Variants in PIGZ observed in about 807,000 individuals in gnomAD.
PIGZ encodes the protein GPI alpha-1,2-mannosyltransferase 4.
PIGZ carries 16 observed loss-of-function variants against 16.4 expected under a neutral mutation model. The ratio of observed to expected loss-of-function variants is 0.97; its 90% CI spans 0.66 to 1.48. PIGZ has a LOEUF of 1.48. Ranked by LOEUF, PIGZ falls within the 40% of genes most tolerant of loss-of-function variation. The probability of loss-of-function intolerance (pLI) is 0.00; values close to 1 mark genes in which losing one functional copy is unlikely to be tolerated. For synonymous variants in PIGZ, 409 were observed against 338.4 expected (o/e 1.21, Z -2.29); for missense variants, 770 against 739.2 (o/e 1.04, Z -0.48).
At chr3:196,959,383 A>G (rs1031236403) in intron 1 of PIGZ, among the ~76,000 whole-genome samples, 4 of 152,214 alleles carry the variant, frequency 2.6e-5, no homozygotes, top group Non-Finnish European at 5.9e-5. Context: ...GAAGGGGATC[A>G]TACAATGTTT....
At chr3:196,958,191 G>A (rs147602555) in intron 1 of PIGZ, among the ~76,000 whole-genome samples, 1 of 151,684 alleles carries the variant, frequency 6.6e-6, no homozygotes, top group East Asian at 1.9e-4. Context: ...ATAATTCAAG[G>A]ACAACTTTCC....
At chr3:196,956,339 ACG>A (rs1260102112) in intron 1 of PIGZ, among the ~76,000 whole-genome samples, 1 of 152,222 alleles carries the variant, frequency 6.6e-6, no homozygotes, top group East Asian at 1.9e-4. Flanking sequence ...AGGCAAAGGC[ACG>A]TCTTACATGG....
intron 1 of PIGZ, among the ~76,000 whole-genome samples, chr3:196,967,398 C>T (rs933873925): frequency 4.6e-5 from 7 of 152,164 alleles, no homozygotes; most frequent in African/African-American, 1.4e-4. Flanking sequence ...AACTTCCTGG[C>T]AAAGCTGCTG....
intron 2 of PIGZ, 98 bp from the exon 3 acceptor site, chr3:196,948,783 T>C: frequency 2.3e-6 from 2 of 877,676 alleles, no homozygotes; most frequent in Non-Finnish European, 3.3e-6. Flanking sequence ...TTGGTGTGTG[T>C]GCCCTGCGTA....
chr3:196,955,178 G>C (rs1282999640), intron 1 of PIGZ, among the ~76,000 whole-genome samples: 2 of 152,112 alleles, frequency 1.3e-5, no homozygotes, highest in African/African-American at 2.4e-5. Flanking sequence ...CTCCCACCTT[G>C]GCCTCCCAAA....
rs1298697675 is a variant in PIGZ, at chr3:196,949,038, CCTT to C, written c.212-356_212-354del. Among the ~76,000 whole-genome samples the C allele has an allele frequency of 6.6e-4, 14 of 21,104 alleles. 1 individual carries two copies. Among genetic ancestry groups the C allele is most frequent in the African/African-American group, 6.5e-3 (13 of 2,008 alleles). 13.8% of individuals were successfully genotyped at this position (21,104 alleles called of 152,430 possible). A position where few individuals can be genotyped will look rare whatever the true frequency, so the allele number is the denominator to read the frequency against. On this transcript the variant is annotated intron_variant, in intron 2 of 2. Transcript: ENST00000412723. ...TCCCCTCCCTTCCCTTCCTTCCCTT[CCTT>C]CCTTCCCTTCCCTTCCTTCCCCTTC...
Position 196,947,106 on chromosome 3 carries a change from G to A in PIGZ, c.*51C>T, listed in dbSNP as rs555545881. ...GCCCAGCTACCCAAGTAGAAGGTGG[G>A]GCGGCATCTTCTATGGCTGAGTCTT... On this transcript the variant is annotated 3_prime_UTR_variant, in exon 3 of 3. Transcript: ENST00000412723. 1.4e-6 allele frequency: 2 copies of A among 1,472,856 alleles called. No individual in the cohort carries two copies. The highest frequency in any genetic ancestry group is 2.8e-5 in the African/African-American group (2 of 71,030). 91.2% of individuals were successfully genotyped at this position (1,472,856 alleles called of 1,614,324 possible). A position where few individuals can be genotyped will look rare whatever the true frequency, so the allele number is the denominator to read the frequency against.
intron 2 of PIGZ, among the ~76,000 whole-genome samples, chr3:196,951,103 C>A (rs756085219): frequency 1.3e-5 from 2 of 152,200 alleles, no homozygotes; most frequent in Admixed American, 6.5e-5. Context: ...TTTTAGCTTC[C>A]TTTGCAGCTA....
In PIGZ at chr3:196,949,041, T is replaced by C. The variant is rs1193192176; in HGVS notation, c.212-356A>G. On this transcript the variant is annotated intron_variant, in intron 2 of 2. Transcript: ENST00000412723. The stretch of plus-strand genomic sequence containing the variant: ...CCTCCCTTCCCTTCCTTCCCTTCCT[T>C]CCTTCCCTTCCCTTCCTTCCCCTTC... Among the ~76,000 whole-genome samples the C allele has an allele frequency of 2.3e-3, 136 of 58,650 alleles. 1 individual carries two copies. Among genetic ancestry groups the C allele is most frequent in the Middle Eastern group, 6.6e-3 (1 of 152 alleles). 38.5% of individuals were successfully genotyped at this position (58,650 alleles called of 152,430 possible).
Position 196,947,877 on chromosome 3 carries a change from C to T in PIGZ, c.1020G>A (p.Arg340=). ...CAGAGGCCTGGAGGCCGACTTGCAGCCGTTGCCACGCAGCCTGCAGGGCCT... is the reference window on the plus strand; with the variant it reads ...CAGAGGCCTGGAGGCCGACTTGCAGTCGTTGCCACGCAGCCTGCAGGGCCT... The part of the protein sequence containing the change: ...HAQALQAAWQ[R]LQVGLQASAQ... Residue 340 remains arginine (R), a synonymous_variant, in exon 3 of 3, where the codon CGG becomes CGA. Coordinates refer to ENST00000412723, the MANE Select transcript of PIGZ (RefSeq NM_025163.4). The T allele has an allele frequency of 6.2e-7, 1 of 1,613,936 alleles. No individual in the cohort carries two copies. The highest frequency in any genetic ancestry group is 8.5e-7 in the Non-Finnish European group (1 of 1,179,874).
intron 1 of PIGZ, among the ~76,000 whole-genome samples, chr3:196,952,944 G>A (rs2108905620): frequency 6.6e-6 from 1 of 152,238 alleles, no homozygotes; most frequent in East Asian, 1.9e-4. Flanking sequence ...ACACCAGTGT[G>A]CCCCAACCCA....
chr3:196,958,827 A>G (rs1198329875), intron 1 of PIGZ, among the ~76,000 whole-genome samples: 1 of 152,218 alleles, frequency 6.6e-6, no homozygotes, highest in Non-Finnish European at 1.5e-5. Flanking sequence ...GCCGTGTCAA[A>G]TTATTCTCAA....
chr3:196,955,898 T>G (rs1415097227), intron 1 of PIGZ, among the ~76,000 whole-genome samples: 1 of 152,074 alleles, frequency 6.6e-6, no homozygotes, highest in East Asian at 1.9e-4. Flanking sequence ...TTATTATTGA[T>G]ACATTTATTT....
chr3:196,951,687 G>C (rs1440074941), intron 2 of PIGZ, 134 bp downstream of exon 2: 1 of 821,180 alleles, frequency 1.2e-6, no homozygotes, highest in Admixed American at 2.2e-5. Flanking sequence ...ACCCCAGAGA[G>C]AGAGGCTGCT....
rs534959156 is a variant in PIGZ at position 196,948,830 on chromosome 3, C to CTTCCTCT, written c.212-146_212-145insAGAGGAA. 1,177 of 441,740 alleles carry CTTCCTCT rather than the reference C, an allele frequency of 2.7e-3. 28 individuals carry two copies. In the East Asian group the frequency reaches 0.035, roughly 13 times the overall value. The allele number at this position is 441,740 out of a possible 1,614,324, so 27.4% of individuals were successfully genotyped here. ...TGTGCACGGGCTGGATTTTTCCTCCCTTCCCTCCCTCTCTCCCTCCTTCTT... is the reference window on the plus strand; with the variant it reads ...TGTGCACGGGCTGGATTTTTCCTCCCTTCCTCTTTCCCTCCCTCTCTCCCTCCTTCTT... On this transcript the variant is annotated intron_variant, in intron 2 of 2. Transcript: ENST00000412723.
At chr3:196,959,395 C>A (rs1423421413) in intron 1 of PIGZ, among the ~76,000 whole-genome samples, 1 of 152,158 alleles carries the variant, frequency 6.6e-6, no homozygotes, top group Admixed American at 6.5e-5. Context: ...ACAATGTTTG[C>A]TTTAAAATTT....
intron 1 of PIGZ, among the ~76,000 whole-genome samples, chr3:196,967,318 G>C (rs552684861): frequency 2.0e-5 from 3 of 152,168 alleles, no homozygotes; most frequent in Non-Finnish European, 4.4e-5. Flanking sequence ...AGCCGTGAAC[G>C]AGCGCCGTCC....
At position 196,961,579 on chromosome 3, in the gene PIGZ, TAAAAG is replaced by T. The variant is rs577381825; in HGVS notation, c.-1+7103_-1+7107del. On this transcript the variant is annotated intron_variant, in intron 1 of 2. Coordinates refer to ENST00000412723, the MANE Select transcript of PIGZ (RefSeq NM_025163.4). ...GCAACACAGCGAGACCCCCATCTCT[TAAAAG>T]AAAAAGCAGGAAACAATTGATCATG... is the stretch of plus-strand genomic sequence containing the variant. Among the ~76,000 whole-genome samples the T allele has an allele frequency of 1.3e-3, 204 of 152,032 alleles. 1 individual carries two copies. Among genetic ancestry groups the T allele is most frequent in the African/African-American group, 4.5e-3 (187 of 41,480 alleles).
chr3:196,947,284 A>G lies in PIGZ; in HGVS notation c.1613T>C (p.Phe538Ser), dbSNP rs1716924602. The change falls in exon 3 of 3, where the codon TTC becomes TCC. Residue 538 changes from phenylalanine to serine, a missense_variant. By Grantham distance (155) the Phe-to-Ser change is radical. Transcript: ENST00000412723. ...RRAVEKCSFP[F>S]KNETLLFPHL... ...GGGAAATAAAAGTGTTTCATTCTTGAAGGGGAAGCTGCACTTCTCCACGGC... is the reference window on the plus strand; with the variant it reads ...GGGAAATAAAAGTGTTTCATTCTTGGAGGGGAAGCTGCACTTCTCCACGGC... The G allele has an allele frequency of 6.2e-7, 1 of 1,614,158 alleles. No individual in the cohort carries two copies. Among genetic ancestry groups the G allele is most frequent in the East Asian group, 2.2e-5 (1 of 44,896 alleles).
Sources: allele counts gnomAD v4.1 joint callset (sites outside exome capture counted in the v4.1 genomes callset), GRCh38; gene constraint gnomAD v4.1.1; transcripts MANE v1.5; gene names NCBI Gene and HGNC (gene_info 2026-07-23, HGNC 2026-07-21).